The following DSCAM variants were observed in gnomAD, a reference collection of about 807,000 sequenced individuals.
DSCAM encodes cell adhesion molecule DSCAM.
DSCAM carries 47 observed loss-of-function variants against 217.7 expected under a neutral mutation model. That is an observed-to-expected ratio of 0.22 (90% CI 0.17 to 0.28). The LOEUF (loss-of-function observed/expected upper bound fraction) is 0.28, where lower values mean the gene tolerates loss of function less well. Ranked by LOEUF, DSCAM falls within the 10% of genes least tolerant of loss-of-function variation. DSCAM has a pLI of 1.00. For missense variants in DSCAM, 2,080 were observed against 2,618.3 expected (o/e 0.79, Z 4.49); for synonymous variants, 1,056 against 1,015.3 (o/e 1.04, Z -0.76).
In DSCAM at chr21:40,414,262, G is replaced by A. The variant is rs537456884; in HGVS notation, c.509-45017C>T. ...AGGGACCGGTATCTAGCACATATAA[G>A]AGTTCTTAGAACTCGACTATAAGAA... On this transcript the variant is annotated intron_variant, in intron 3 of 32. Coordinates refer to ENST00000400454, the MANE Select transcript of DSCAM (RefSeq NM_001389.5). 2.6e-5 allele frequency among the ~76,000 whole-genome samples: 4 copies of A among 152,236 alleles called. No homozygotes were observed. The South Asian group carries it at 8.3e-4, about 32-fold the overall frequency.
At chr21:40,517,405 AC>A (rs1425976140) in intron 3 of DSCAM, among the ~76,000 whole-genome samples, 1 of 6,142 alleles carries the variant, frequency 1.6e-4, no homozygotes, top group African/African-American at 1.2e-3. Flanking sequence ...CACACAAGCA[AC>A]ACACACACAC....
intron 3 of DSCAM, among the ~76,000 whole-genome samples, chr21:40,556,563 G>T (rs903032105): frequency 6.6e-6 from 1 of 152,168 alleles, no homozygotes; most frequent in Non-Finnish European, 1.5e-5. Context: ...TCAAGATTAG[G>T]CATCTGGTGA....
chr21:40,325,873 T>G (rs1293482828), intron 8 of DSCAM, among the ~76,000 whole-genome samples: 1 of 152,096 alleles, frequency 6.6e-6, no homozygotes, highest in Non-Finnish European at 1.5e-5. Flanking sequence ...GAAGTTAAAT[T>G]CTATGACCTA....
At chr21:40,177,455 A>T (rs2090746006) in intron 15 of DSCAM, among the ~76,000 whole-genome samples, 2 of 152,210 alleles carry the variant, frequency 1.3e-5, no homozygotes, top group Admixed American at 6.5e-5. Flanking sequence ...AAGAACTGAC[A>T]TCTTCCAGCA....
At chr21:40,763,521 A>C (rs2091357272) in intron 1 of DSCAM, among the ~76,000 whole-genome samples, 1 of 152,238 alleles carries the variant, frequency 6.6e-6, no homozygotes, top group Non-Finnish European at 1.5e-5. Flanking sequence ...AATACTGCCC[A>C]AAATAATTTA....
intron 3 of DSCAM, among the ~76,000 whole-genome samples, chr21:40,607,128 CTGATAT>C (rs1298590772): frequency 1.3e-5 from 2 of 152,210 alleles, no homozygotes; most frequent in Non-Finnish European, 2.9e-5. Flanking sequence ...TTTTCTTCCA[CTGATAT>C]TAAGAATCCT....
At chr21:40,705,350 A>G (rs962161085) in intron 2 of DSCAM, among the ~76,000 whole-genome samples, 2 of 152,210 alleles carry the variant, frequency 1.3e-5, no homozygotes, top group Admixed American at 6.5e-5. Flanking sequence ...GCTTTCCTCT[A>G]CTGCCTGAGG....
At chr21:40,455,803 G>A (rs1023182515) in intron 3 of DSCAM, among the ~76,000 whole-genome samples, 1 of 151,734 alleles carries the variant, frequency 6.6e-6, no homozygotes, top group Non-Finnish European at 1.5e-5. Context: ...AAAACGACAT[G>A]GATGATAGAT....
Position 40,144,841 on chromosome 21 carries a change from G to A in DSCAM, c.3019-110C>T, listed in dbSNP as rs913332275. 6.2e-6 allele frequency: 9 copies of A among 1,460,954 alleles called. No homozygotes were observed. Among genetic ancestry groups the A allele is most frequent in the African/African-American group, 5.6e-5 (4 of 71,126 alleles). 90.5% of individuals were successfully genotyped at this position (1,460,954 alleles called of 1,614,324 possible). A position where few individuals can be genotyped will look rare whatever the true frequency, so the allele number is the denominator to read the frequency against. ...AGAAATAAAGTGGAGTCATCGCCAC[G>A]ATGCTGGGGCGGTGGTCCGGTAGCA... is the stretch of plus-strand genomic sequence containing the variant. On this transcript the variant is annotated intron_variant, in intron 16 of 32. Coordinates refer to ENST00000400454, the MANE Select transcript of DSCAM (RefSeq NM_001389.5). The surrounding 1 kb of genome is among the most constrained non-coding windows in gnomAD (Gnocchi z 4.8).
At chr21:40,497,232 T>G (rs998937618) in intron 3 of DSCAM, among the ~76,000 whole-genome samples, 5 of 152,122 alleles carry the variant, frequency 3.3e-5, no homozygotes, top group Non-Finnish European at 5.9e-5. Flanking sequence ...TAGACAAAAA[T>G]TAGAATCAAC....
At chr21:40,057,222 G>A (rs1601282047) in intron 28 of DSCAM, among the ~76,000 whole-genome samples, 1 of 152,276 alleles carries the variant, frequency 6.6e-6, no homozygotes, top group Non-Finnish European at 1.5e-5. Flanking sequence ...AAATTCAAAC[G>A]TTTTGTCCTG....
intron 29 of DSCAM, 133 bp from the exon 30 acceptor site, chr21:40,052,240 A>G (rs1191434902): frequency 4.8e-5 from 45 of 943,246 alleles, no homozygotes; most frequent in Non-Finnish European, 6.5e-5. Flanking sequence ...TAAAGTGACA[A>G]AAATGATTGA....
intron 3 of DSCAM, chr21:40,513,324 A>T (rs541548113): frequency 2.9e-4 from 44 of 152,478 alleles, no homozygotes; most frequent in African/African-American, 1.0e-3. Flanking sequence ...CTTGGGAACA[A>T]CAACAACAAA....
chr21:40,755,960 G>C lies in DSCAM; in HGVS notation c.44-47189C>G, dbSNP rs565850017. On this transcript the variant is annotated intron_variant, in intron 1 of 32. Transcript: ENST00000400454. ...TGGCAGATCTGATGCAAGAAGTTGG[G>C]AATTAAATTAAAACAGATAGCACTT... Among the ~76,000 whole-genome samples the C allele has an allele frequency of 4.6e-5, 7 of 152,310 alleles. No individual in the cohort carries two copies. The South Asian group carries it at 6.2e-4, about 14-fold the overall frequency.
chr21:40,569,061 G>A (rs2076786429), intron 3 of DSCAM, among the ~76,000 whole-genome samples: 1 of 152,190 alleles, frequency 6.6e-6, no homozygotes, highest in Non-Finnish European at 1.5e-5. Flanking sequence ...CAAGAAGGGA[G>A]AGTCACTGGG....
chr21:40,772,306 T>C (rs1173704956), intron 1 of DSCAM, among the ~76,000 whole-genome samples: 1 of 152,150 alleles, frequency 6.6e-6, no homozygotes, highest in Non-Finnish European at 1.5e-5. Flanking sequence ...GTAGCTGGGA[T>C]TACAGGCACC....
At chr21:40,419,174 G>T (rs2075399905) in intron 3 of DSCAM, among the ~76,000 whole-genome samples, 1 of 151,008 alleles carries the variant, frequency 6.6e-6, no homozygotes, top group Non-Finnish European at 1.5e-5. Context: ...GTAGAGATGG[G>T]GTTTCACTGT....
intron 1 of DSCAM, among the ~76,000 whole-genome samples, chr21:40,821,399 A>G (rs941476451): frequency 1.3e-5 from 2 of 151,450 alleles, no homozygotes; most frequent in Non-Finnish European, 1.5e-5. Context: ...GCGCGCACAC[A>G]CACACACACA....
rs370692788 is a variant in DSCAM, at chr21:40,133,906, G to A, written c.3510C>T (p.Arg1170=). 31 of 1,613,538 alleles carry A rather than the reference G, an allele frequency of 1.9e-5. No homozygotes were observed. The East Asian group carries it at 2.0e-4, about 10-fold the overall frequency. The change falls in exon 19 of 33, where the codon CGC becomes CGT. Residue 1170 remains arginine, a synonymous_variant. Transcript: ENST00000400454. ...NYSIQVLAFT[R]AGDGVRSEQI... is the part of the protein sequence containing the mutation. ...GCTCACTCCTGACCCCGTCTCCTGCGCGGGTGAAGGCCAGCACCTGGATGC... is the reference window on the plus strand; with the variant it reads ...GCTCACTCCTGACCCCGTCTCCTGCACGGGTGAAGGCCAGCACCTGGATGC...
Sources: allele counts gnomAD v4.1 joint callset (sites outside exome capture counted in the v4.1 genomes callset), GRCh38; gene constraint gnomAD v4.1.1; non-coding constraint Gnocchi (gnomAD v3.1); transcripts MANE v1.5; gene names NCBI Gene and HGNC (gene_info 2026-07-23, HGNC 2026-07-21).